Variants in CNTNAP2 observed in about 807,000 individuals in gnomAD.
CNTNAP2 encodes the protein contactin-associated protein-like 2.
In CNTNAP2, 98 loss-of-function variants were observed where a neutral mutation model predicts 155.2. The ratio of observed to expected loss-of-function variants is 0.63; its 90% CI spans 0.54 to 0.75. The LOEUF is 0.75. Among genes scored for constraint, CNTNAP2 ranks in the 30% least tolerant of loss-of-function variants. CNTNAP2 has a pLI of 0.00. For missense variants in CNTNAP2, 1,727 were observed against 1,688.1 expected, an observed-to-expected ratio of 1.02 and a Z score of -0.40; for synonymous variants, 651 against 631.2, an observed-to-expected ratio of 1.03 and a Z score of -0.47.
chr7:146,997,664 T>C (rs1798337324), intron 3 of CNTNAP2, among the ~76,000 whole-genome samples: 1 of 152,120 alleles, frequency 6.6e-6, no homozygotes, highest in Non-Finnish European at 1.5e-5. Flanking sequence ...AATTCAGCAG[T>C]GAAGCCATGA....
intron 13 of CNTNAP2, among the ~76,000 whole-genome samples, chr7:147,800,577 A>C (rs1183503918): frequency 6.6e-6 from 1 of 152,084 alleles, no homozygotes; most frequent in African/African-American, 2.4e-5. Context: ...GCCTTAGTCT[A>C]TCATCATCAT....
At chr7:146,394,339 A>C (rs1044080291) in intron 1 of CNTNAP2, among the ~76,000 whole-genome samples, 1 of 152,184 alleles carries the variant, frequency 6.6e-6, no homozygotes, top group African/African-American at 2.4e-5. Flanking sequence ...TAAAAGATAC[A>C]TGGAAGATAA....
chr7:147,743,804 A>T (rs1382430358), intron 13 of CNTNAP2, among the ~76,000 whole-genome samples: 1 of 151,368 alleles, frequency 6.6e-6, no homozygotes, highest in South Asian at 2.1e-4. Flanking sequence ...CTCCATCCCT[A>T]TCTCCTCCCC....
At position 146,575,807 on chromosome 7, in the gene CNTNAP2, A is replaced by G. The variant is rs149182061; in HGVS notation, c.98-198464A>G. On this transcript the variant is annotated intron_variant, in intron 1 of 23. Transcript: ENST00000361727. ...TGCAACTTCCTAGCAGCCACATGGCAGTTAATTTTGGCAATCTGTTTTGGG... is the reference window on the plus strand; with the variant it reads ...TGCAACTTCCTAGCAGCCACATGGCGGTTAATTTTGGCAATCTGTTTTGGG... Among the ~76,000 whole-genome samples the G allele has an allele frequency of 4.8e-3, 726 of 152,338 alleles. 5 individuals are homozygous for G. Among genetic ancestry groups the G allele is most frequent in the African/African-American group, 0.016 (675 of 41,594 alleles).
intron 8 of CNTNAP2, among the ~76,000 whole-genome samples, chr7:147,267,465 T>G (rs750898162): frequency 6.6e-6 from 1 of 152,144 alleles, no homozygotes; most frequent in African/African-American, 2.4e-5. Context: ...TCCTTTCATG[T>G]TTTTGGTACG....
chr7:146,158,287 G>C (rs117142695), intron 1 of CNTNAP2, among the ~76,000 whole-genome samples: 2 of 152,174 alleles, frequency 1.3e-5, no homozygotes, highest in Non-Finnish European at 2.9e-5. Flanking sequence ...ATGGGAAGAA[G>C]CCAGAGCAGG....
intron 1 of CNTNAP2, among the ~76,000 whole-genome samples, chr7:146,315,473 A>T (rs1164910635): frequency 1.3e-5 from 2 of 151,498 alleles, no homozygotes; most frequent in Non-Finnish European, 2.9e-5. Flanking sequence ...CACTTTTTCT[A>T]CTCATTTGGG....
At chr7:146,914,578 T>C (rs1344622797) in intron 3 of CNTNAP2, among the ~76,000 whole-genome samples, 1 of 152,208 alleles carries the variant, frequency 6.6e-6, no homozygotes, top group African/African-American at 2.4e-5. Context: ...CATGTGTTTG[T>C]TAGCCATTTG....
chr7:148,088,929 A>C (rs974283195), intron 15 of CNTNAP2, among the ~76,000 whole-genome samples: 1 of 152,032 alleles, frequency 6.6e-6, no homozygotes, highest in Non-Finnish European at 1.5e-5. Context: ...AGCAAACTGA[A>C]TTCAACAGCA....
At chr7:146,136,011 T>A (rs1311251802) in intron 1 of CNTNAP2, among the ~76,000 whole-genome samples, 1 of 152,160 alleles carries the variant, frequency 6.6e-6, no homozygotes. Context: ...CTTACCGATA[T>A]GTAAATAGCC....
At chr7:147,725,765 A>C (rs1796630624) in intron 13 of CNTNAP2, among the ~76,000 whole-genome samples, 1 of 152,082 alleles carries the variant, frequency 6.6e-6, no homozygotes, top group African/African-American at 2.4e-5. Context: ...ACCCAACACG[A>C]GACTTCCTGT....
rs147097164 is a variant in CNTNAP2 at position 146,991,849 on chromosome 7, T to C, written c.403-52058T>C. 2.4e-3 allele frequency among the ~76,000 whole-genome samples: 358 copies of C among 152,310 alleles called. 1 individual carries two copies. The highest frequency in any genetic ancestry group is 7.5e-3 in the African/African-American group (311 of 41,576). On this transcript the variant is annotated intron_variant, in intron 3 of 23. Transcript: ENST00000361727. Reference sequence around the variant, plus strand: ...TTAGAACTTAACAATGTGAATGGCATGAAGAATAAGTGATTATGCATTGCT... The same window carrying C: ...TTAGAACTTAACAATGTGAATGGCACGAAGAATAAGTGATTATGCATTGCT...
chr7:147,270,185 C>T (rs1375472961), intron 8 of CNTNAP2, among the ~76,000 whole-genome samples: 1 of 152,204 alleles, frequency 6.6e-6, no homozygotes, highest in Admixed American at 6.5e-5. Flanking sequence ...AGTCATGTCT[C>T]TTCTTTCTAT....
intron 1 of CNTNAP2, among the ~76,000 whole-genome samples, chr7:146,319,364 T>A (rs1439435974): frequency 1.3e-5 from 2 of 152,192 alleles, no homozygotes; most frequent in African/African-American, 4.8e-5. Context: ...TGTCATATCA[T>A]CATTTTCAGA....
intron 13 of CNTNAP2, among the ~76,000 whole-genome samples, chr7:147,647,293 G>A (rs1004865715): frequency 2.6e-5 from 4 of 151,048 alleles, no homozygotes; most frequent in African/African-American, 9.7e-5. Flanking sequence ...GAGCCACCGC[G>A]CCCGGCCAGT....
chr7:147,024,400 A>G (rs889666422), intron 3 of CNTNAP2, among the ~76,000 whole-genome samples: 2 of 152,168 alleles, frequency 1.3e-5, no homozygotes, highest in African/African-American at 4.8e-5. Flanking sequence ...TGACAATGCC[A>G]ATTTTCTGGC....
At chr7:148,341,241 A>G (rs773749918) in intron 21 of CNTNAP2, among the ~76,000 whole-genome samples, 10 of 151,722 alleles carry the variant, frequency 6.6e-5, no homozygotes, top group Admixed American at 2.0e-4. Flanking sequence ...GCACTTTGGA[A>G]GTTCACTGCA....
chr7:146,238,331 T>C (rs750938821), intron 1 of CNTNAP2, among the ~76,000 whole-genome samples: 1 of 152,172 alleles, frequency 6.6e-6, no homozygotes, highest in Non-Finnish European at 1.5e-5. Context: ...AAGAAGATAA[T>C]TGTGCTATTA....
At chr7:147,306,549 A>G (rs1298608147) in intron 9 of CNTNAP2, among the ~76,000 whole-genome samples, 1 of 152,252 alleles carries the variant, frequency 6.6e-6, no homozygotes, top group African/African-American at 2.4e-5. Context: ...AATATTGGAA[A>G]GCTTTGTGTA....
Sources: gnomAD v4.1 joint callset for allele counts (sites outside exome capture counted in the v4.1 genomes callset) on GRCh38, gnomAD v4.1.1 for gene constraint, MANE v1.5 for transcripts, NCBI Gene and HGNC (gene_info 2026-07-23, HGNC 2026-07-21) for gene names.